MLPH: variants seen among roughly 807,000 people sequenced by gnomAD.
MLPH encodes exophilin-3.
A neutral mutation model predicts 72.1 loss-of-function variants in MLPH; 51 were observed. The observed-to-expected ratio is 0.71, with a 90% CI of 0.56 to 0.89. The LOEUF (loss-of-function observed/expected upper bound fraction) is 0.89, where lower values mean the gene tolerates loss of function less well. MLPH is among the 40% of genes least tolerant of loss of function. The pLI is 0.00. For missense variants in MLPH, 743 were observed against 759.9 expected (o/e 0.98, Z 0.26); for synonymous variants, 301 against 310.1 (o/e 0.97, Z 0.31).
At chr2:237,539,285 C>T (rs1369855589) in intron 9 of MLPH, among the ~76,000 whole-genome samples, 2 of 152,036 alleles carry the variant, frequency 1.3e-5, no homozygotes, top group East Asian at 1.9e-4. Flanking sequence ...CGGAGAGCAG[C>T]GAAGGTGGTG....
rs1240305631 is a variant in MLPH at position 237,540,701 on chromosome 2, C to G, written c.1291-101C>G. ...GGCCGGCTCCTGACCAACCAGCTCC[C>G]AGGGTTCAGAGAGGAGAGCAATATC... On this transcript the variant is annotated intron_variant, in intron 10 of 15. Coordinates refer to ENST00000264605, the MANE Select transcript of MLPH (RefSeq NM_024101.7). 65 of 1,542,320 alleles carry G rather than the reference C, an allele frequency of 4.2e-5. 1 individual carries two copies. Among genetic ancestry groups the G allele is most frequent in the Non-Finnish European group, 4.8e-5 (55 of 1,135,946 alleles).
At position 237,503,844 on chromosome 2, in the gene MLPH, A is replaced by G. The variant is rs112097697; in HGVS notation, c.111-6730A>G. ...AATAATCCCCCCCAAAAAGATGTCT[A>G]CTTCCCAACCCCAAGAACCTCTGAA... On this transcript the variant is annotated intron_variant, in intron 2 of 15. Coordinates refer to ENST00000264605, the MANE Select transcript of MLPH (RefSeq NM_024101.7). Among the ~76,000 whole-genome samples the G allele has an allele frequency of 6.5e-3, 985 of 152,198 alleles. 4 individuals carry two copies. The highest frequency in any genetic ancestry group is 0.022 in the African/African-American group (930 of 41,520).
At chr2:237,525,020 C>A (rs79778875) in intron 6 of MLPH, among the ~76,000 whole-genome samples, 11 of 152,208 alleles carry the variant, frequency 7.2e-5, no homozygotes, top group East Asian at 3.9e-4. Flanking sequence ...CTCCACCCCC[C>A]ACTCACAGTC....
intron 13 of MLPH, 78 bp downstream of exon 13, chr2:237,546,761 C>A: frequency 8.1e-7 from 1 of 1,238,886 alleles, no homozygotes; most frequent in Non-Finnish European, 1.2e-6. Flanking sequence ...TGTGGCAAGT[C>A]CACGGGGTGG....
intron 13 of MLPH, among the ~76,000 whole-genome samples, chr2:237,547,143 T>C (rs914605283): frequency 6.6e-6 from 1 of 152,232 alleles, no homozygotes; most frequent in Non-Finnish European, 1.5e-5. Context: ...CTTCTGCCCT[T>C]CCCTGAACAG....
At chr2:237,540,633 C>T in intron 10 of MLPH, 100 bp downstream of exon 10, 1 of 1,503,016 alleles carries the variant, frequency 6.7e-7, no homozygotes, top group Non-Finnish European at 9.0e-7. Context: ...AGGCAGCACC[C>T]ACAGGAGCAC....
intron 13 of MLPH, among the ~76,000 whole-genome samples, chr2:237,546,989 A>G (rs2080933990): frequency 6.6e-6 from 1 of 152,234 alleles, no homozygotes; most frequent in Admixed American, 6.5e-5. Flanking sequence ...AAACCCACAC[A>G]GGCTGACTGT....
rs2080645784 is a variant in MLPH at position 237,540,380 on chromosome 2, TGTA to T, written c.1139_1141del (p.Val380del). The T allele has an allele frequency of 2.5e-6, 4 of 1,613,338 alleles. No individual in the cohort carries two copies. Among genetic ancestry groups the T allele is most frequent in the Non-Finnish European group, 8.5e-7 (1 of 1,179,970 alleles). ...GTGCTGGAGTGCGCACGGAGGCCGA[TGTA>T]GAGGAGGAGGCCCTGAGGAGGAAGC... On this transcript the variant is annotated inframe_deletion, in exon 10 of 16. Transcript: ENST00000264605.
At chr2:237,488,490 C>T (rs2079365001) in intron 1 of MLPH, among the ~76,000 whole-genome samples, 2 of 152,168 alleles carry the variant, frequency 1.3e-5, no homozygotes, top group African/African-American at 4.8e-5. Context: ...ATTCAGCTGA[C>T]CTCAGTAAGG....
In MLPH at chr2:237,510,981, C is replaced by G. The variant is rs373351389; in HGVS notation, c.333-8C>G. 1 of 1,612,190 alleles carries G rather than the reference C, an allele frequency of 6.2e-7. No individual in the cohort carries two copies. The highest frequency in any genetic ancestry group is 8.5e-7 in the Non-Finnish European group (1 of 1,178,634). ...GGCAGTGCCATGAGCCTGTGCTTGT[C>G]CCTGCAGAGTCGTGAAGATCGGCTC... On this transcript the variant is annotated splice_region_variant and splice_polypyrimidine_tract_variant and intron_variant, in intron 3 of 15. Coordinates refer to ENST00000264605, the MANE Select transcript of MLPH (RefSeq NM_024101.7). This position sits in a 1 kb window ranked among gnomAD's most constrained non-coding sequence, Gnocchi z 4.4.
At chr2:237,543,159 AAT>A (rs2080762550) in intron 12 of MLPH, among the ~76,000 whole-genome samples, 1 of 10,946 alleles carries the variant, frequency 9.1e-5, no homozygotes, top group African/African-American at 7.8e-4. Context: ...GACAGTGGTG[AAT>A]GGGGGACAGT....
chr2:237,506,912 T>G (rs1159745554), intron 2 of MLPH, among the ~76,000 whole-genome samples: 1 of 152,186 alleles, frequency 6.6e-6, no homozygotes, highest in African/African-American at 2.4e-5. Flanking sequence ...GGCTGTAGTA[T>G]TTGAAGAAAA....
intron 2 of MLPH, among the ~76,000 whole-genome samples, chr2:237,494,533 G>A (rs528741513): frequency 2.0e-5 from 3 of 152,274 alleles, no homozygotes; most frequent in African/African-American, 2.4e-5. Flanking sequence ...CACAGCGGTG[G>A]GCTCTGTGAA....
rs531077214 is a variant in MLPH, at chr2:237,529,953, C to T, written c.1020+2437C>T. Among the ~76,000 whole-genome samples the T allele has an allele frequency of 3.9e-5, 6 of 152,328 alleles. No individual in the cohort carries two copies. The South Asian group carries it at 1.2e-3, about 32-fold the overall frequency. ...GGAGGGAGGCTAAGTGAAAGCTGAGCCTTGTCAGGAAAGGCCTGGAAGCAG... is the reference window on the plus strand; with the variant it reads ...GGAGGGAGGCTAAGTGAAAGCTGAGTCTTGTCAGGAAAGGCCTGGAAGCAG... On this transcript the variant is annotated intron_variant, in intron 8 of 15. Coordinates refer to ENST00000264605, the MANE Select transcript of MLPH (RefSeq NM_024101.7).
chr2:237,525,398 C>G (rs1360932987), intron 6 of MLPH, among the ~76,000 whole-genome samples: 1 of 152,172 alleles, frequency 6.6e-6, no homozygotes, highest in Non-Finnish European at 1.5e-5. Flanking sequence ...AGTCAGTAGG[C>G]AACAAATAGG....
In MLPH at chr2:237,518,005, G is replaced by A. The variant is rs563278204; in HGVS notation, c.446-534G>A. 11 of 224,584 alleles carry A rather than the reference G, an allele frequency of 4.9e-5. No individual in the cohort carries two copies. The East Asian group carries it at 1.1e-3, about 23-fold the overall frequency. The allele number at this position is 224,584 out of a possible 1,614,324, so 13.9% of individuals were successfully genotyped here. On this transcript the variant is annotated intron_variant, in intron 4 of 15. Transcript: ENST00000264605. ...TGGATGGATAAATCGATTGATGGGT[G>A]GGTGCATGGATGAAGGAGGGAGGGG...
At chr2:237,516,347 G>A (rs2080017397) in intron 4 of MLPH, among the ~76,000 whole-genome samples, 1 of 152,164 alleles carries the variant, frequency 6.6e-6, no homozygotes, top group African/African-American at 2.4e-5. Context: ...TGCTAGGGAG[G>A]CCAGGCCCAG....
At chr2:237,543,041 T>G (rs1574900760) in intron 12 of MLPH, among the ~76,000 whole-genome samples, 2 of 20,426 alleles carry the variant, frequency 9.8e-5, no homozygotes, top group Non-Finnish European at 1.8e-4. Context: ...CAGTAGTGAG[T>G]GGGGGGACAG....
At chr2:237,527,329 C>CT (rs768879972) in intron 7 of MLPH, 48 bp from the exon 8 acceptor site, 3 of 1,613,394 alleles carry the variant, frequency 1.9e-6, no homozygotes, top group Non-Finnish European at 2.5e-6. Context: ...CGTCCATCAG[C>CT]TTTCAGGTTT....
Sources: gnomAD v4.1 joint callset for allele counts (sites outside exome capture counted in the v4.1 genomes callset) on GRCh38, gnomAD v4.1.1 for gene constraint, Gnocchi (gnomAD v3.1) non-coding constraint, MANE v1.5 for transcripts, NCBI Gene and HGNC (gene_info 2026-07-23, HGNC 2026-07-21) for gene names.